The following RARB variants were observed in gnomAD, a reference collection of about 807,000 sequenced individuals.
RARB encodes the protein HBV-activated protein.
RARB carries 17 observed loss-of-function variants against 51.9 expected under a neutral mutation model. The observed-to-expected ratio is 0.33, with a 90% CI of 0.22 to 0.49. The LOEUF (loss-of-function observed/expected upper bound fraction) is 0.49, where lower values mean the gene tolerates loss of function less well. Ranked by LOEUF, RARB falls within the 20% of genes least tolerant of loss-of-function variation. The pLI is 0.99. For synonymous variants in RARB, 215 were observed against 195.4 expected (o/e 1.10, Z -0.84); for missense variants, 369 against 550.8 (o/e 0.67, Z 3.30).
At chr3:25,546,786 A>C (rs981788617) in intron 3 of RARB, among the ~76,000 whole-genome samples, 1 of 152,174 alleles carries the variant, frequency 6.6e-6, no homozygotes, top group Non-Finnish European at 1.5e-5. Flanking sequence ...ATGTCTTACT[A>C]ATATTTTTAT....
intron 2 of RARB, among the ~76,000 whole-genome samples, chr3:25,485,966 T>C (rs1696448720): frequency 6.6e-6 from 1 of 152,212 alleles, no homozygotes; most frequent in South Asian, 2.1e-4. Flanking sequence ...GTGGCTTACA[T>C]TGGGCTTTCA....
At chr3:24,847,971 G>A (rs1702506634) in intron 1 of RARB, among the ~76,000 whole-genome samples, 3 of 152,192 alleles carry the variant, frequency 2.0e-5, no homozygotes, top group Non-Finnish European at 4.4e-5. Flanking sequence ...GAGCATTTTA[G>A]GGGCACACTC....
intron 2 of RARB, among the ~76,000 whole-genome samples, chr3:24,892,124 T>C (rs530680926): frequency 8.6e-5 from 13 of 150,568 alleles, no homozygotes; most frequent in African/African-American, 3.2e-4. Context: ...GGGCCAAAAG[T>C]AGCCAGATGA....
chr3:25,234,934 A>G (rs975377564), intron 5 of RARB, among the ~76,000 whole-genome samples: 1 of 152,082 alleles, frequency 6.6e-6, no homozygotes, highest in Non-Finnish European at 1.5e-5. Context: ...CGATTTTATG[A>G]CTGGGAACAT....
chr3:25,439,476 G>T (rs1708570150), intron 1 of RARB, among the ~76,000 whole-genome samples: 1 of 152,134 alleles, frequency 6.6e-6, no homozygotes, highest in Non-Finnish European at 1.5e-5. Flanking sequence ...TATGATCTCA[G>T]CTCACTGCAG....
intron 5 of RARB, among the ~76,000 whole-genome samples, chr3:25,247,353 G>A (rs1433961163): frequency 6.6e-6 from 1 of 152,178 alleles, no homozygotes; most frequent in Non-Finnish European, 1.5e-5. Context: ...TGGTGTTCCA[G>A]GTGCCACTGG....
At position 24,947,548 on chromosome 3, in the gene RARB, C is replaced by CT. The variant is rs34945442; in HGVS notation, c.-380+88803dup. Among the ~76,000 whole-genome samples the CT allele has an allele frequency of 1.2e-4, 18 of 152,298 alleles. No individual in the cohort carries two copies. In the South Asian group the frequency reaches 3.3e-3, roughly 28 times the overall value. ...TTCCACTTCGTGGAAGCATGGACAT[C>CT]TTTTTTTATGGAGTTCCACGGGGAT... is the stretch of plus-strand genomic sequence containing the variant. On this transcript the variant is annotated intron_variant, in intron 2 of 11. Transcript: ENST00000383772.
chr3:25,053,315 A>G (rs898327365), intron 2 of RARB, among the ~76,000 whole-genome samples: 1 of 152,138 alleles, frequency 6.6e-6, no homozygotes, highest in African/African-American at 2.4e-5. Context: ...TGTATCATAC[A>G]TGGTCACCTA....
chr3:25,064,829 T>C (rs1169751619), intron 3 of RARB, among the ~76,000 whole-genome samples: 3 of 152,170 alleles, frequency 2.0e-5, no homozygotes, highest in Non-Finnish European at 4.4e-5. Flanking sequence ...AGAAGTGTTT[T>C]ACTCATTGAT....
At chr3:25,373,223 T>C (rs1028059414) in intron 5 of RARB, among the ~76,000 whole-genome samples, 1 of 152,086 alleles carries the variant, frequency 6.6e-6, no homozygotes, top group Non-Finnish European at 1.5e-5. Context: ...ATGTGGATGG[T>C]ATTTAAAGCC....
chr3:25,240,702 T>C (rs1702411236), intron 5 of RARB, among the ~76,000 whole-genome samples: 1 of 152,172 alleles, frequency 6.6e-6, no homozygotes, highest in Non-Finnish European at 1.5e-5. Context: ...TGGTGTATTA[T>C]CTTTTTGATG....
intron 5 of RARB, among the ~76,000 whole-genome samples, chr3:25,376,104 C>T (rs994656906): frequency 6.6e-5 from 10 of 152,166 alleles, no homozygotes; most frequent in African/African-American, 2.4e-4. Flanking sequence ...TATTGCAGGT[C>T]TAATGATGTA....
chr3:25,210,529 C>CTTTTTTTTT (rs773846113), intron 5 of RARB, among the ~76,000 whole-genome samples: 3 of 27,630 alleles, frequency 1.1e-4, no homozygotes, highest in Non-Finnish European at 1.7e-4. Flanking sequence ...TTATCTGATT[C>CTTTTTTTTT]TTTTTTTTTT....
At chr3:25,198,787 T>C (rs1701310939) in intron 5 of RARB, among the ~76,000 whole-genome samples, 1 of 151,880 alleles carries the variant, frequency 6.6e-6, no homozygotes, top group African/African-American at 2.4e-5. Context: ...AGTCAGGCAA[T>C]AACAAATGCT....
At chr3:25,269,800 G>T (rs1188255610) in intron 5 of RARB, among the ~76,000 whole-genome samples, 2 of 152,064 alleles carry the variant, frequency 1.3e-5, no homozygotes, top group East Asian at 1.9e-4. Context: ...AACAAAATTT[G>T]TATATACTCA....
chr3:25,377,410 C>T (rs781322297), intron 5 of RARB, among the ~76,000 whole-genome samples: 4 of 152,182 alleles, frequency 2.6e-5, no homozygotes, highest in African/African-American at 4.8e-5. Flanking sequence ...AGTCCTAATG[C>T]AATGGCAGCA....
At chr3:25,569,378 A>AC (rs1209056282) in intron 3 of RARB, among the ~76,000 whole-genome samples, 4 of 152,164 alleles carry the variant, frequency 2.6e-5, no homozygotes, top group Non-Finnish European at 4.4e-5. Flanking sequence ...CAGAGACCTG[A>AC]CCCTTCCCTT....
At chr3:25,180,314 T>A (rs1700836464) in intron 5 of RARB, among the ~76,000 whole-genome samples, 1 of 152,242 alleles carries the variant, frequency 6.6e-6, no homozygotes, top group Non-Finnish European at 1.5e-5. Context: ...CCGGTTGTAT[T>A]TATTAGATAA....
intron 5 of RARB, among the ~76,000 whole-genome samples, chr3:25,183,991 G>A (rs935735011): frequency 4.6e-5 from 7 of 152,058 alleles, no homozygotes; most frequent in African/African-American, 1.7e-4. Context: ...AGGTAACCTA[G>A]GGTTTCACCA....
Sources: allele counts gnomAD v4.1 joint callset (sites outside exome capture counted in the v4.1 genomes callset), GRCh38; gene constraint gnomAD v4.1.1; transcripts MANE v1.5; gene names NCBI Gene and HGNC (gene_info 2026-07-23, HGNC 2026-07-21).